The following MDGA2 variants were observed in gnomAD, a reference collection of about 807,000 sequenced individuals.
MDGA2 encodes the protein MAM domain containing glycosylphosphatidylinositol anchor 2.
MDGA2 carries 40 observed loss-of-function variants against 117.8 expected under a neutral mutation model. That is an observed-to-expected ratio of 0.34 (90% CI 0.26 to 0.44). MDGA2 has a LOEUF of 0.44. Among genes scored for constraint, MDGA2 ranks in the 20% least tolerant of loss-of-function variants. MDGA2 has a pLI of 1.00. For missense variants in MDGA2, 1,123 were observed against 1,250.6 expected (o/e 0.90, Z 1.54); for synonymous variants, 452 against 439.0 (o/e 1.03, Z -0.37).
At chr14:47,070,300 A>G (rs1297191883) in intron 6 of MDGA2, among the ~76,000 whole-genome samples, 1 of 152,006 alleles carries the variant, frequency 6.6e-6, no homozygotes, top group Non-Finnish European at 1.5e-5. Context: ...CCTCATTTTC[A>G]TACAGCATTT....
At chr14:47,138,176 T>G (rs1882549319) in intron 4 of MDGA2, among the ~76,000 whole-genome samples, 1 of 152,138 alleles carries the variant, frequency 6.6e-6, no homozygotes, top group Admixed American at 6.6e-5. Context: ...TGAGTATAAT[T>G]TAGGCTTTAC....
chr14:47,004,790 C>G (rs1887654054), intron 8 of MDGA2, among the ~76,000 whole-genome samples: 1 of 151,610 alleles, frequency 6.6e-6, no homozygotes, highest in East Asian at 1.9e-4. Flanking sequence ...GCAGGTCTTT[C>G]ACATCTTTTC....
At chr14:47,131,328 TAAAAG>T (rs1268546797) in intron 5 of MDGA2, among the ~76,000 whole-genome samples, 15 of 152,014 alleles carry the variant, frequency 9.9e-5, no homozygotes, top group Non-Finnish European at 5.9e-5. Flanking sequence ...TGACACAAAG[TAAAAG>T]AAAGTTTCTT....
At chr14:46,919,658 A>C (rs1454536533) in intron 10 of MDGA2, among the ~76,000 whole-genome samples, 2 of 152,216 alleles carry the variant, frequency 1.3e-5, no homozygotes, top group Non-Finnish European at 2.9e-5. Flanking sequence ...ATGATTATGC[A>C]GTATAGGTGA....
chr14:47,219,843 C>T (rs1226294039), intron 2 of MDGA2, among the ~76,000 whole-genome samples: 1 of 151,996 alleles, frequency 6.6e-6, no homozygotes, highest in Non-Finnish European at 1.5e-5. Flanking sequence ...CATGTGTGTA[C>T]ATATTACTAA....
At chr14:47,632,002 C>G (rs1449259856) in intron 1 of MDGA2, among the ~76,000 whole-genome samples, 1 of 150,990 alleles carries the variant, frequency 6.6e-6, no homozygotes, top group Non-Finnish European at 1.5e-5. Context: ...GATGAAGGTT[C>G]TTCTTCCAAT....
chr14:47,040,084 C>A (rs1000976440), intron 7 of MDGA2, among the ~76,000 whole-genome samples: 3 of 152,096 alleles, frequency 2.0e-5, no homozygotes, highest in Admixed American at 6.6e-5. Flanking sequence ...CAGGGAGCTT[C>A]TTGAAGGGTA....
chr14:47,452,814 A>C lies in MDGA2; in HGVS notation c.281-151264T>G, dbSNP rs376534460. ...AAGACAAAATAGCTAAGAAATTTTT[A>C]TATCTTTACCATGCTCTCATTTTTT... On this transcript the variant is annotated intron_variant, in intron 1 of 16. Transcript: ENST00000399232. Among the ~76,000 whole-genome samples the C allele has an allele frequency of 2.6e-5, 4 of 152,062 alleles. No individual in the cohort carries two copies. The South Asian group carries it at 8.3e-4, about 31-fold the overall frequency.
chr14:47,654,823 T>C (rs1255227349), intron 1 of MDGA2, among the ~76,000 whole-genome samples: 2 of 152,080 alleles, frequency 1.3e-5, no homozygotes, highest in South Asian at 2.1e-4. Context: ...AGAGGCAGAT[T>C]TAGCCAATAA....
chr14:47,250,336 T>C (rs1046552820), intron 2 of MDGA2, among the ~76,000 whole-genome samples: 6 of 152,238 alleles, frequency 3.9e-5, no homozygotes, highest in Non-Finnish European at 8.8e-5. Flanking sequence ...TTCTGGATTA[T>C]GCTGTATTTT....
intron 9 of MDGA2, among the ~76,000 whole-genome samples, chr14:46,945,224 C>T (rs1885130421): frequency 6.6e-6 from 1 of 152,080 alleles, no homozygotes; most frequent in Non-Finnish European, 1.5e-5. Context: ...CTAAACTCTT[C>T]TAACTTGGTG....
chr14:46,946,199 A>T (rs1311289852), intron 9 of MDGA2, among the ~76,000 whole-genome samples: 3 of 152,110 alleles, frequency 2.0e-5, no homozygotes, highest in Non-Finnish European at 4.4e-5. Context: ...CACTCATTGA[A>T]TAAGTATTCA....
chr14:47,457,640 G>A lies in MDGA2; in HGVS notation c.281-156090C>T, dbSNP rs544169778. Among the ~76,000 whole-genome samples, 48 of 152,046 alleles carry A rather than the reference G, an allele frequency of 3.2e-4. No homozygotes were observed. The South Asian group carries it at 3.7e-3, about 12-fold the overall frequency. ...TGTTAACTCGACTGTTCTTTGCCTC[G>A]AATTTGGAGTTAATTATGTCATTTT... is the stretch of plus-strand genomic sequence containing the variant. On this transcript the variant is annotated intron_variant, in intron 1 of 16. Coordinates refer to ENST00000399232, the MANE Select transcript of MDGA2 (RefSeq NM_001113498.3).
chr14:46,960,868 T>C (rs996713617), intron 8 of MDGA2, among the ~76,000 whole-genome samples: 33 of 141,438 alleles, frequency 2.3e-4, no homozygotes, highest in African/African-American at 8.6e-4. Flanking sequence ...ATATTTTATA[T>C]ATACACATGT....
intron 15 of MDGA2, among the ~76,000 whole-genome samples, chr14:46,854,382 A>C (rs1307443310): frequency 6.6e-6 from 1 of 151,546 alleles, no homozygotes; most frequent in Non-Finnish European, 1.5e-5. Context: ...ATACACATTA[A>C]AATCATTAAA....
At chr14:47,550,051 TA>T (rs921455639) in intron 1 of MDGA2, among the ~76,000 whole-genome samples, 33 of 152,270 alleles carry the variant, frequency 2.2e-4, no homozygotes, top group African/African-American at 7.0e-4. Flanking sequence ...TAGCATACTT[TA>T]AAAAAACTTC....
chr14:47,544,092 A>C (rs1476476586), intron 1 of MDGA2, among the ~76,000 whole-genome samples: 1 of 152,218 alleles, frequency 6.6e-6, no homozygotes, highest in Non-Finnish European at 1.5e-5. Flanking sequence ...CAAAAGAATT[A>C]AAGATAATGT....
chr14:47,337,024 T>C (rs1890480419), intron 1 of MDGA2, among the ~76,000 whole-genome samples: 1 of 152,006 alleles, frequency 6.6e-6, no homozygotes, highest in African/African-American at 2.4e-5. Flanking sequence ...ACCTGCCTTC[T>C]TGAATATTGT....
intron 3 of MDGA2, among the ~76,000 whole-genome samples, chr14:47,158,060 T>C (rs1883472888): frequency 6.6e-6 from 1 of 152,022 alleles, no homozygotes; most frequent in Non-Finnish European, 1.5e-5. Context: ...ATGTGCTGCA[T>C]AACTGTGTTT....
Sources: gnomAD v4.1 joint callset for allele counts (sites outside exome capture counted in the v4.1 genomes callset) on GRCh38, gnomAD v4.1.1 for gene constraint, MANE v1.5 for transcripts, NCBI Gene and HGNC (gene_info 2026-07-23, HGNC 2026-07-21) for gene names.